Variants in EEF2KMT observed in about 807,000 individuals in gnomAD.
EEF2KMT encodes the protein protein-lysine N-methyltransferase EEF2KMT.
EEF2KMT carries 30 observed loss-of-function variants against 35.1 expected under a neutral mutation model. That is an observed-to-expected ratio of 0.85 (90% confidence interval 0.64 to 1.16). The LOEUF is 1.16. Among genes scored for constraint, EEF2KMT ranks in the 50% most tolerant of loss-of-function variants. The pLI is 0.00. For synonymous variants in EEF2KMT, 190 were observed against 187.7 expected, an observed-to-expected ratio of 1.01 and a Z score of -0.10; for missense variants, 499 against 438.2, an observed-to-expected ratio of 1.14 and a Z score of -1.24.
rs576466612 is a variant in EEF2KMT, at chr16:5,091,845, C to T, written c.291G>A (p.Ala97=). 214 of 1,611,902 alleles carry T rather than the reference C, an allele frequency of 1.3e-4. 3 individuals are homozygous for T. The highest frequency in any genetic ancestry group is 1.3e-3 in the South Asian group (116 of 90,988). ...TGGACTCCTTGGCCATCAGGGTCTC[C>T]GCCAGCGCTTCATACAGCTCGTCCA... ...EPLDELYEAL[A]ETLMAKESTQ... The change falls in exon 4 of 8, where the codon GCG becomes GCA. Residue 97 remains alanine (A), a synonymous_variant. Transcript: ENST00000427587.
chr16:5,097,661 G>A lies in EEF2KMT; in HGVS notation c.79C>T (p.Arg27Cys), dbSNP rs568124050. The change falls in exon 1 of 8, where the codon CGC (arginine) becomes TGC (cysteine). Residue 27 changes from arginine (R) to cysteine (C), a missense_variant. By Grantham distance (180) the Arg-to-Cys change is radical. Coordinates refer to ENST00000427587, the MANE Select transcript of EEF2KMT (RefSeq NM_201400.4). ...ERRFLAARTL[R>C]SFPWQSLEAK... ...CCGCCCACCTGCCAGGGGAAGGAGC[G>A]CAGTGTGCGTGCCGCCAGGAAGCGG... The A allele has an allele frequency of 1.9e-6, 3 of 1,574,298 alleles. No homozygotes were observed. Among genetic ancestry groups the A allele is most frequent in the Non-Finnish European group, 1.7e-6 (2 of 1,166,226 alleles).
At chr16:5,096,776 A>T (rs538737324) in intron 1 of EEF2KMT, among the ~76,000 whole-genome samples, 7 of 152,344 alleles carry the variant, frequency 4.6e-5, no homozygotes, top group Admixed American at 2.6e-4. Context: ...GGTGAGCCCA[A>T]GTTAGCATTC....
chr16:5,086,810 G>A (rs2142744594), intron 7 of EEF2KMT: 1 of 152,334 alleles, frequency 6.6e-6, no homozygotes, highest in East Asian at 1.9e-4. Context: ...TTGACTATAG[G>A]CGTGCACCAC....
chr16:5,095,256 TA>T, intron 2 of EEF2KMT, 195 bp downstream of exon 2: 1 of 697,730 alleles, frequency 1.4e-6, no homozygotes, highest in Non-Finnish European at 2.4e-6. Context: ...AGTCTTTGTC[TA>T]AGTCTTAAAT....
chr16:5,095,015 G>T (rs11076870), intron 2 of EEF2KMT, among the ~76,000 whole-genome samples: 134,361 of 152,156 alleles, frequency 0.88, 59,346 homozygotes, highest in Middle Eastern at 0.91. Context: ...CTCACCTGCA[G>T]GCAGATGCAC....
At chr16:5,089,999 T>G in intron 6 of EEF2KMT, 85 bp downstream of exon 6, 2 of 1,575,974 alleles carry the variant, frequency 1.3e-6, no homozygotes, top group Non-Finnish European at 1.7e-6. Flanking sequence ...CCCGACAGCG[T>G]CCATTGTTCC....
rs564557608 is a variant in EEF2KMT at position 5,095,572 on chromosome 16, G to A, written c.97-58C>T. ...GCGCATTCACAGGAACATTAAACAC[G>A]CAATAGAATGTGTTGGCAAAGCGCT... On this transcript the variant is annotated intron_variant, in intron 1 of 7. Coordinates refer to ENST00000427587, the MANE Select transcript of EEF2KMT (RefSeq NM_201400.4). The A allele has an allele frequency of 3.7e-4, 601 of 1,607,236 alleles. 9 individuals carry two copies. In the South Asian group the frequency reaches 6.3e-3, roughly 17 times the overall value.
At chr16:5,097,372 A>G in intron 1 of EEF2KMT, 1 of 1,477,692 alleles carries the variant, frequency 6.8e-7, no homozygotes, top group South Asian at 1.2e-5. Flanking sequence ...AGTCGTGAAA[A>G]TGATCGTGAA....
chr16:5,090,130 C>T lies in EEF2KMT; in HGVS notation c.696G>A (p.Thr232=), dbSNP rs747028657. The T allele has an allele frequency of 1.4e-4, 231 of 1,609,446 alleles. 1 individual carries two copies. The highest frequency in any genetic ancestry group is 9.2e-4 in the Admixed American group (55 of 60,004). ...GCTGGAAGGCAGAGAGCTGATGGAC[C>T]GTCGCGACGTCCCAGTCCAGCTGGG... ...TVAQLDWDVA[T]VHQLSAFQPD... is the part of the protein sequence containing the mutation. Residue 232 remains threonine (T), a synonymous_variant, in exon 6 of 8, where the codon ACG becomes ACA. Transcript: ENST00000427587. This position sits in a 1 kb window ranked among gnomAD's most constrained non-coding sequence, Gnocchi z 4.1.
chr16:5,097,164 C>T, intron 1 of EEF2KMT: 2 of 563,636 alleles, frequency 3.5e-6, no homozygotes, highest in Non-Finnish European at 5.0e-6. Flanking sequence ...CCATCACAGG[C>T]GTGACAGCCT....
chr16:5,088,186 C>T (rs185930340), intron 7 of EEF2KMT, among the ~76,000 whole-genome samples: 62 of 152,304 alleles, frequency 4.1e-4, no homozygotes, highest in Admixed American at 1.4e-3. Flanking sequence ...AAGTAGTCCT[C>T]TTGCCTTAGC....
chr16:5,097,310 A>G (rs750337541), intron 1 of EEF2KMT: 62 of 1,360,600 alleles, frequency 4.6e-5, no homozygotes, highest in Non-Finnish European at 5.8e-5. Context: ...ACTTTTTAGA[A>G]TGGGCGAGGG....
chr16:5,090,447 G>A lies in EEF2KMT; in HGVS notation c.461C>T (p.Ala154Val). Residue 154 changes from alanine to valine, a missense_variant, in exon 5 of 8, where the codon GCA (alanine) becomes GTA (valine). Ala to Val is a moderately conservative substitution (Grantham distance 64). Transcript: ENST00000427587. This position sits in a 1 kb window ranked among gnomAD's most constrained non-coding sequence, Gnocchi z 4.1. ...YLAEWAIENPAVFTNRTVLEL... is the reference protein window; with the variant it reads ...YLAEWAIENPVVFTNRTVLEL... ...CCGAGGTCACCTGTTAGTGAAGACTGCCGGGTTCTCGATGGCCCATTCTGC... is the reference window on the plus strand; with the variant it reads ...CCGAGGTCACCTGTTAGTGAAGACTACCGGGTTCTCGATGGCCCATTCTGC... 6.2e-7 allele frequency: 1 copy of A among 1,612,012 alleles called. No homozygotes were observed. The highest frequency in any genetic ancestry group is 1.1e-5 in the South Asian group (1 of 90,986).
At chr16:5,085,912 A>G (rs1957147323) in intron 7 of EEF2KMT, among the ~76,000 whole-genome samples, 180 bp from the exon 8 acceptor site, 2 of 152,180 alleles carry the variant, frequency 1.3e-5, no homozygotes, top group African/African-American at 4.8e-5. Context: ...TGGGACCAGA[A>G]AGCTGGTTTT....
At chr16:5,088,952 C>T (rs1419524377) in intron 7 of EEF2KMT, among the ~76,000 whole-genome samples, 155 bp downstream of exon 7, 1 of 152,218 alleles carries the variant, frequency 6.6e-6, no homozygotes, top group Non-Finnish European at 1.5e-5. Context: ...CGCCCCAAGC[C>T]CACCCTGCTC....
At chr16:5,097,534 C>G in intron 1 of EEF2KMT, 110 bp downstream of exon 1, 6 of 1,497,748 alleles carry the variant, frequency 4.0e-6, no homozygotes, top group Non-Finnish European at 4.4e-6. Flanking sequence ...CGGCGGGAGC[C>G]CAGGAACTCA....
chr16:5,089,557 C>T, intron 6 of EEF2KMT: 1 of 493,346 alleles, frequency 2.0e-6, no homozygotes, highest in Non-Finnish European at 3.6e-6. Flanking sequence ...AAGCCTGACC[C>T]TGCCATGAAC....
In EEF2KMT at chr16:5,095,297, G is replaced by T. The variant is rs966841601; in HGVS notation, c.159+155C>A. On this transcript the variant is annotated intron_variant, in intron 2 of 7. Transcript: ENST00000427587. ...AACGAAAGCGCTGGAGCTGTCAGAG[G>T]TGCTGACACCCACCTGCAGTGCTGA... 9 of 1,097,506 alleles carry T rather than the reference G, an allele frequency of 8.2e-6. No individual in the cohort carries two copies. In the Admixed American group the frequency reaches 1.9e-4, roughly 23 times the overall value. The allele number at this position is 1,097,506 out of a possible 1,614,324, so 68.0% of individuals were successfully genotyped here.
chr16:5,097,564 G>T (rs1957499908), intron 1 of EEF2KMT, 80 bp downstream of exon 1: 2 of 1,521,674 alleles, frequency 1.3e-6, no homozygotes, highest in African/African-American at 2.8e-5. Flanking sequence ...AGCGCCAGGG[G>T]CTTCAGCACG....
Sources: allele counts gnomAD v4.1 joint callset (sites outside exome capture counted in the v4.1 genomes callset), GRCh38; gene constraint gnomAD v4.1.1; non-coding constraint Gnocchi (gnomAD v3.1); transcripts MANE v1.5; gene names NCBI Gene and HGNC (gene_info 2026-07-23, HGNC 2026-07-21).